HMBOX1: variants seen among roughly 807,000 people sequenced by gnomAD.
HMBOX1 encodes homeobox-containing protein 1.
Under a neutral mutation model 54.5 loss-of-function variants are expected in HMBOX1, and 14 were observed. The observed-to-expected ratio is 0.26, with a 90% CI of 0.17 to 0.40. HMBOX1 has a LOEUF of 0.40. Among genes scored for constraint, HMBOX1 ranks in the 10% least tolerant of loss-of-function variants. The pLI is 1.00. For synonymous variants in HMBOX1, 160 were observed against 181.0 expected, an observed-to-expected ratio of 0.88 and a Z score of 0.93; for missense variants, 332 against 514.4, an observed-to-expected ratio of 0.65 and a Z score of 3.43.
chr8:28,985,030 C>T (rs1453048347), intron 4 of HMBOX1, among the ~76,000 whole-genome samples: 1 of 152,120 alleles, frequency 6.6e-6, no homozygotes, highest in Non-Finnish European at 1.5e-5. Context: ...GTCTTTCTGC[C>T]ATAAAATAGC....
intron 4 of HMBOX1, among the ~76,000 whole-genome samples, chr8:28,994,331 G>C (rs1305653565): frequency 6.6e-6 from 1 of 152,098 alleles, no homozygotes. Flanking sequence ...ATAGATCCTT[G>C]GAGATGAGCA....
At chr8:28,989,341 G>GTTTT (rs898880606) in intron 4 of HMBOX1, among the ~76,000 whole-genome samples, 1 of 151,850 alleles carries the variant, frequency 6.6e-6, no homozygotes, top group African/African-American at 2.4e-5. Context: ...TCCTCTGTAA[G>GTTTT]TTTTATAGTT....
chr8:28,959,857 T>G (rs898304475), intron 1 of HMBOX1, among the ~76,000 whole-genome samples: 12 of 152,128 alleles, frequency 7.9e-5, no homozygotes, highest in Admixed American at 2.0e-4. Flanking sequence ...TATTTTTTGG[T>G]CAATTTTGAT....
At chr8:28,937,971 T>C (rs1820689223) in intron 1 of HMBOX1, among the ~76,000 whole-genome samples, 1 of 152,186 alleles carries the variant, frequency 6.6e-6, no homozygotes, top group African/African-American at 2.4e-5. Flanking sequence ...CATCTGTCAT[T>C]TTCTCTTTTT....
At chr8:29,005,321 A>G (rs762123891) in intron 4 of HMBOX1, among the ~76,000 whole-genome samples, 1 of 152,232 alleles carries the variant, frequency 6.6e-6, no homozygotes, top group Non-Finnish European at 1.5e-5. Flanking sequence ...TAATTAATGC[A>G]TATTTATAGG....
intron 2 of HMBOX1, among the ~76,000 whole-genome samples, chr8:28,965,259 C>G (rs1826241725): frequency 6.6e-6 from 1 of 152,212 alleles, no homozygotes; most frequent in Non-Finnish European, 1.5e-5. Flanking sequence ...TCATTCCACA[C>G]CTAACTTATA....
intron 1 of HMBOX1, among the ~76,000 whole-genome samples, chr8:28,905,357 A>C (rs201026571): frequency 6.7e-6 from 1 of 150,032 alleles, no homozygotes; most frequent in African/African-American, 2.4e-5. Context: ...ACACGCACGC[A>C]CACACACACA....
At chr8:28,960,096 C>G (rs1318887168) in intron 1 of HMBOX1, among the ~76,000 whole-genome samples, 1 of 151,864 alleles carries the variant, frequency 6.6e-6, no homozygotes, top group African/African-American at 2.4e-5. Flanking sequence ...CTTATGCCTT[C>G]TGTAGCTTCA....
chr8:28,986,948 T>A (rs2132547988), intron 4 of HMBOX1, among the ~76,000 whole-genome samples: 1 of 152,080 alleles, frequency 6.6e-6, no homozygotes, highest in African/African-American at 2.4e-5. Context: ...GGAATTGGAG[T>A]GGAAATAATT....
rs114730215 is a variant in HMBOX1, at chr8:29,026,751, T to C, written c.851+7838T>C. On this transcript the variant is annotated intron_variant, in intron 6 of 9. Transcript: ENST00000287701. ...CAGTGCTATTCACAGATTTGAGTTC[T>C]TATTAACTAAGAAGAATGTTATTTT... Among the ~76,000 whole-genome samples the C allele has an allele frequency of 4.6e-3, 703 of 152,336 alleles. 5 individuals are homozygous for C. The highest frequency in any genetic ancestry group is 0.016 in the African/African-American group (654 of 41,586).
chr8:29,033,957 T>A (rs902671082), intron 6 of HMBOX1, among the ~76,000 whole-genome samples: 11 of 152,226 alleles, frequency 7.2e-5, no homozygotes, highest in Non-Finnish European at 1.5e-4. Flanking sequence ...CTTCAAAAAC[T>A]CAAGCAAATA....
chr8:28,901,126 T>C (rs1813162434), intron 1 of HMBOX1, among the ~76,000 whole-genome samples: 4 of 152,214 alleles, frequency 2.6e-5, no homozygotes, highest in African/African-American at 9.6e-5. Context: ...GAGTAGTGGT[T>C]GTTACACCTT....
chr8:28,935,198 C>G (rs1413060275), intron 1 of HMBOX1, among the ~76,000 whole-genome samples: 1 of 151,992 alleles, frequency 6.6e-6, no homozygotes, highest in Non-Finnish European at 1.5e-5. Flanking sequence ...CAGTTCTTTC[C>G]AAATTGTTGA....
chr8:28,994,837 C>A (rs68127319), intron 4 of HMBOX1, among the ~76,000 whole-genome samples: 20,112 of 151,736 alleles, frequency 0.13, 1,691 homozygotes, highest in East Asian at 0.47. Context: ...ATATAAATGG[C>A]CAATAAGCAT....
Position 28,958,675 on chromosome 8 carries a change from C to A in HMBOX1, c.-57-5136C>A, listed in dbSNP as rs77637211. 5.7e-3 allele frequency among the ~76,000 whole-genome samples: 869 copies of A among 152,088 alleles called. 4 individuals carry two copies. Among genetic ancestry groups the A allele is most frequent in the African/African-American group, 0.02 (841 of 41,470 alleles). On this transcript the variant is annotated intron_variant, in intron 1 of 9. Coordinates refer to ENST00000287701, the MANE Select transcript of HMBOX1 (RefSeq NM_001135726.3). ...GAAATTACACACATAGATACTCTCTCTATATATATTTATTGTGTGTGCATG... is the reference window on the plus strand; with the variant it reads ...GAAATTACACACATAGATACTCTCTATATATATATTTATTGTGTGTGCATG...
chr8:28,890,183 C>T, upstream of HMBOX1: 2 of 423,440 alleles, frequency 4.7e-6, no homozygotes, highest in South Asian at 2.3e-5. Flanking sequence ...GTCTTCCTTA[C>T]GGGCCTGGGG....
chr8:28,983,922 A>G (rs1269245847), intron 4 of HMBOX1, among the ~76,000 whole-genome samples: 1 of 152,048 alleles, frequency 6.6e-6, no homozygotes, highest in African/African-American at 2.4e-5. Flanking sequence ...CTGAACTCCT[A>G]TGTTTTTTGT....
chr8:28,952,793 TA>T (rs1823717819), intron 1 of HMBOX1, among the ~76,000 whole-genome samples: 1 of 152,236 alleles, frequency 6.6e-6, no homozygotes, highest in Non-Finnish European at 1.5e-5. Flanking sequence ...GTACTGTATG[TA>T]ATAATTCTTT....
At chr8:29,045,646 C>T (rs1805465845) in intron 7 of HMBOX1, among the ~76,000 whole-genome samples, 1 of 152,272 alleles carries the variant, frequency 6.6e-6, no homozygotes. Flanking sequence ...ATCAAATGCT[C>T]ACATAGGAGA....
Sources: allele counts gnomAD v4.1 joint callset (sites outside exome capture counted in the v4.1 genomes callset), GRCh38; gene constraint gnomAD v4.1.1; transcripts MANE v1.5; gene names NCBI Gene and HGNC (gene_info 2026-07-23, HGNC 2026-07-21).